The following FBXL20 variants were observed in gnomAD, a reference collection of about 807,000 sequenced individuals.
The protein encoded by FBXL20 is F-box/LRR-repeat protein 20.
FBXL20 carries 11 observed loss-of-function variants against 64.0 expected under a neutral mutation model. The observed-to-expected ratio is 0.17, with a 90% CI of 0.11 to 0.28. FBXL20 has a LOEUF of 0.28. FBXL20 is among the 10% of genes least tolerant of loss of function. The probability of loss-of-function intolerance (pLI) is 1.00; values close to 1 mark genes in which losing one functional copy is unlikely to be tolerated. For synonymous variants in FBXL20, 184 were observed against 189.0 expected, an observed-to-expected ratio of 0.97 and a Z score of 0.22; for missense variants, 303 against 526.2, an observed-to-expected ratio of 0.58 and a Z score of 4.15.
intron 6 of FBXL20, among the ~76,000 whole-genome samples, chr17:39,292,721 A>T (rs964071184): frequency 1.3e-5 from 2 of 150,974 alleles, no homozygotes; most frequent in African/African-American, 2.4e-5. Context: ...TTCCGGGTCT[A>T]TATTTCTATT....
chr17:39,282,732 C>T lies in FBXL20; in HGVS notation c.618G>A (p.Thr206=), dbSNP rs781141663. The stretch of plus-strand genomic sequence containing the variant: ...CGAGCCCTACATGGAGTATTACCTG[C>T]GTGCAGCCTTTTAAGAATAAGGCCT... The part of the protein sequence containing the change: ...GLKALFLKGC[T]QLEDEALKYI... The change falls in exon 8 of 15, where the codon ACG becomes ACA. Residue 206 remains threonine, a synonymous_variant. Transcript: ENST00000264658. The T allele has an allele frequency of 1.1e-5, 17 of 1,614,008 alleles. No homozygotes were observed. Among genetic ancestry groups the T allele is most frequent in the Non-Finnish European group, 1.4e-5 (16 of 1,180,020 alleles).
intron 1 of FBXL20, among the ~76,000 whole-genome samples, chr17:39,369,253 A>G (rs1009576453): frequency 2.1e-5 from 3 of 146,024 alleles, no homozygotes; most frequent in African/African-American, 5.2e-5. Flanking sequence ...TTAGAATTCA[A>G]TGCTTTTTTT....
intron 14 of FBXL20, 96 bp downstream of exon 14, chr17:39,264,078 TA>T: frequency 2.3e-6 from 3 of 1,310,754 alleles, no homozygotes; most frequent in Non-Finnish European, 3.2e-6. Context: ...CAAGTAAATA[TA>T]AAAATCATAG....
At chr17:39,317,326 G>C (rs984156886) in intron 2 of FBXL20, among the ~76,000 whole-genome samples, 18 of 152,156 alleles carry the variant, frequency 1.2e-4, no homozygotes, top group Middle Eastern at 6.8e-3. Context: ...CCGCTTCCGG[G>C]GTTCAACTGA....
chr17:39,296,894 T>G (rs2047090939), intron 6 of FBXL20, among the ~76,000 whole-genome samples: 1 of 152,212 alleles, frequency 6.6e-6, no homozygotes, highest in African/African-American at 2.4e-5. Flanking sequence ...CCCTACTGTA[T>G]GTACACTGAC....
chr17:39,364,796 G>T (rs966397856), intron 1 of FBXL20, among the ~76,000 whole-genome samples: 1 of 152,114 alleles, frequency 6.6e-6, no homozygotes, highest in Non-Finnish European at 1.5e-5. Context: ...AACACCAAAA[G>T]GTCTCAGAGT....
chr17:39,368,651 T>C (rs1369919216), intron 1 of FBXL20, among the ~76,000 whole-genome samples: 7 of 152,022 alleles, frequency 4.6e-5, no homozygotes, highest in Non-Finnish European at 1.0e-4. Context: ...CTTCTAACTT[T>C]TTTGTTTGTT....
chr17:39,333,749 GC>G (rs1250585838), intron 2 of FBXL20, among the ~76,000 whole-genome samples: 1 of 150,384 alleles, frequency 6.6e-6, no homozygotes, highest in Admixed American at 6.6e-5. Flanking sequence ...GAGCGCCTCT[GC>G]CCCGCCGCCC....
chr17:39,270,974 T>C (rs994549457), intron 10 of FBXL20, 118 bp from the exon 11 acceptor site: 7 of 777,792 alleles, frequency 9.0e-6, no homozygotes, highest in South Asian at 1.8e-5. Context: ...CTTTATAATA[T>C]AGAATGACAT....
chr17:39,332,275 A>C (rs1179579604), intron 2 of FBXL20, among the ~76,000 whole-genome samples: 2 of 152,232 alleles, frequency 1.3e-5, no homozygotes, highest in Non-Finnish European at 2.9e-5. Flanking sequence ...AGCAGGCCTA[A>C]GAATGCTATC....
Position 39,343,913 on chromosome 17 carries a change from G to C in FBXL20, c.43-672C>G, listed in dbSNP as rs567387217. 2.4e-3 allele frequency among the ~76,000 whole-genome samples: 367 copies of C among 152,118 alleles called. 1 individual carries two copies. Among genetic ancestry groups the C allele is most frequent in the African/African-American group, 8.5e-3 (352 of 41,508 alleles). On this transcript the variant is annotated intron_variant, in intron 1 of 14. Coordinates refer to ENST00000264658, the MANE Select transcript of FBXL20 (RefSeq NM_032875.3). ...GAGTCTCACTCTGTCGCCCAGGCTG[G>C]AGTGCAGTGGTGCGATCTCGGCTCA...
intron 2 of FBXL20, among the ~76,000 whole-genome samples, chr17:39,323,912 C>A (rs1200147393): frequency 6.6e-6 from 1 of 151,052 alleles, no homozygotes; most frequent in Non-Finnish European, 1.5e-5. Context: ...ATTACAGGCA[C>A]CTGCCACCAC....
chr17:39,396,379 T>G (rs1241153514), intron 1 of FBXL20, among the ~76,000 whole-genome samples: 1 of 150,326 alleles, frequency 6.7e-6, no homozygotes, highest in Non-Finnish European at 1.5e-5. Context: ...GTGTATCACC[T>G]GAGGTCAGTA....
At chr17:39,353,209 T>G (rs2047704092) in intron 1 of FBXL20, among the ~76,000 whole-genome samples, 1 of 152,214 alleles carries the variant, frequency 6.6e-6, no homozygotes. Context: ...AATTTGGGTC[T>G]CTGACATATG....
At chr17:39,396,747 A>C (rs997457783) in intron 1 of FBXL20, among the ~76,000 whole-genome samples, 6 of 151,800 alleles carry the variant, frequency 4.0e-5, no homozygotes, top group Non-Finnish European at 8.8e-5. Context: ...CGAGGTTAGG[A>C]GATTGAGACC....
chr17:39,365,642 A>C (rs2144624481), intron 1 of FBXL20, among the ~76,000 whole-genome samples: 1 of 149,424 alleles, frequency 6.7e-6, no homozygotes, highest in Non-Finnish European at 1.5e-5. Flanking sequence ...TCAGTCCAAA[A>C]ATAGAGCATC....
chr17:39,363,821 A>AC (rs2047826531), intron 1 of FBXL20, among the ~76,000 whole-genome samples: 1 of 71,638 alleles, frequency 1.4e-5, no homozygotes, highest in African/African-American at 1.0e-4. Flanking sequence ...AAAAAAAAAA[A>AC]AAAAACAAAA....
chr17:39,277,231 C>T (rs1302388339), intron 9 of FBXL20, among the ~76,000 whole-genome samples: 10 of 152,118 alleles, frequency 6.6e-5, no homozygotes, highest in African/African-American at 2.4e-4. Context: ...TACTAACACA[C>T]GTGGAGGCAG....
chr17:39,299,000 T>C lies in FBXL20; in HGVS notation c.319A>G (p.Asn107Asp), dbSNP rs1289215927. Residue 107 changes from asparagine to aspartate, a missense_variant, in exon 5 of 15, where the codon AAT becomes GAT. By Grantham distance (23) the Asn-to-Asp change is conservative. Around this residue, in one of 3 missense-constraint regions of FBXL20, gnomAD observed 246 missense variants for 422.6 expected, o/e 0.58. Coordinates refer to ENST00000264658, the MANE Select transcript of FBXL20 (RefSeq NM_032875.3). The stretch of plus-strand genomic sequence containing the variant: ...TAGTTATGTTTTTACCTTAATGCAT[T>C]GTCTCCCACTCCAAGACATCCACGA... The part of the protein sequence containing the change: ...SLRGCLGVGD[N>D]ALRTFAQNCR... 3.7e-6 allele frequency: 6 copies of C among 1,612,720 alleles called. No individual in the cohort carries two copies. The highest frequency in any genetic ancestry group is 1.1e-5 in the South Asian group (1 of 90,910).
Sources: gnomAD v4.1 joint callset for allele counts (sites outside exome capture counted in the v4.1 genomes callset) on GRCh38, gnomAD v4.1.1 for gene constraint, gnomAD v4.1.1 regional missense constraint, MANE v1.5 for transcripts, NCBI Gene and HGNC (gene_info 2026-07-23, HGNC 2026-07-21) for gene names.